The following PPP2R2C variants were observed in gnomAD, a reference collection of about 807,000 sequenced individuals.
PPP2R2C encodes the protein protein phosphatase 2 regulatory subunit Bgamma.
Under a neutral mutation model 45.3 loss-of-function variants are expected in PPP2R2C, and 10 were observed. The observed-to-expected ratio is 0.22, with a 90% CI of 0.14 to 0.37. The LOEUF (loss-of-function observed/expected upper bound fraction) is 0.37, where lower values mean the gene tolerates loss of function less well. PPP2R2C is among the 10% of genes least tolerant of loss of function. The pLI, the probability that PPP2R2C is intolerant of heterozygous loss-of-function variation, is 1.00. For synonymous variants in PPP2R2C, 257 were observed against 245.4 expected, an observed-to-expected ratio of 1.05 and a Z score of -0.44; for missense variants, 308 against 619.7, an observed-to-expected ratio of 0.50 and a Z score of 5.34.
At chr4:6,394,796 C>T (rs979486469) in intron 1 of PPP2R2C, among the ~76,000 whole-genome samples, 15 of 152,350 alleles carry the variant, frequency 9.8e-5, no homozygotes, top group Middle Eastern at 3.4e-3. Context: ...AGACCCCAGC[C>T]GGCAGGCGGG....
chr4:6,509,626 C>A (rs1330029938), intron 2 of PPP2R2C, among the ~76,000 whole-genome samples: 2 of 152,214 alleles, frequency 1.3e-5, no homozygotes, highest in Non-Finnish European at 2.9e-5. Flanking sequence ...TCCAACGAAG[C>A]CACCCTTTCA....
chr4:6,441,683 C>T (rs2108734001), intron 1 of PPP2R2C, among the ~76,000 whole-genome samples: 1 of 152,292 alleles, frequency 6.6e-6, no homozygotes, highest in African/African-American at 2.4e-5. Flanking sequence ...TCATGACTGC[C>T]CCAGTGAGGG....
At chr4:6,388,215 A>G (rs7657197) in intron 1 of PPP2R2C, among the ~76,000 whole-genome samples, 30,166 of 152,124 alleles carry the variant, frequency 0.2, 3,223 homozygotes, top group Middle Eastern at 0.28. Flanking sequence ...GGAGCCACTG[A>G]ACAAGGAGGC....
intron 1 of PPP2R2C, among the ~76,000 whole-genome samples, chr4:6,454,739 C>G (rs1305597722): frequency 2.6e-5 from 4 of 152,194 alleles, no homozygotes; most frequent in African/African-American, 4.8e-5. Context: ...GTGGCACTCA[C>G]TGTGTGGCCT....
chr4:6,472,208 G>T lies in PPP2R2C; in HGVS notation c.22C>A (p.Arg8=). The stretch of plus-strand genomic sequence containing the variant: ...CGCAGGAAGCTGTGGTTAATTTTCC[G>T]CGTGTCCGTGTCCTCGCCCATTGAA... MGEDTDT[R]KINHSFLRDH... Residue 8 remains arginine, a synonymous_variant, in exon 1 of 9, where the codon CGG becomes AGG. Coordinates refer to ENST00000382599, the MANE Select transcript of PPP2R2C (RefSeq NM_020416.4). 4.3e-6 allele frequency: 7 copies of T among 1,613,268 alleles called. No homozygotes were observed. Among genetic ancestry groups the T allele is most frequent in the Non-Finnish European group, 5.1e-6 (6 of 1,179,416 alleles).
rs1431193495 is a variant in PPP2R2C, at chr4:6,480,720, C to G, written c.49+54551G>C. Among the ~76,000 whole-genome samples the G allele has an allele frequency of 2.0e-5, 3 of 152,288 alleles. No homozygotes were observed. In the East Asian group the frequency reaches 5.8e-4, roughly 29 times the overall value. ...CTGAGTCATACTGGTGACATTCCTTCTGGGTCATGCATACTGGAATATATA... is the reference window on the plus strand; with the variant it reads ...CTGAGTCATACTGGTGACATTCCTTGTGGGTCATGCATACTGGAATATATA... On this transcript the variant is annotated intron_variant, in intron 2 of 9. Coordinates refer to the PPP2R2C transcript ENST00000506140.
At chr4:6,535,041 G>C (rs768206470) in intron 2 of PPP2R2C, among the ~76,000 whole-genome samples, 7 of 152,208 alleles carry the variant, frequency 4.6e-5, no homozygotes, top group African/African-American at 1.7e-4. Flanking sequence ...CTCACCCATC[G>C]GCCTGGGAGA....
intron 2 of PPP2R2C, among the ~76,000 whole-genome samples, chr4:6,483,197 CTT>C (rs2108780089): frequency 6.6e-6 from 1 of 152,148 alleles, no homozygotes; most frequent in South Asian, 2.1e-4. Flanking sequence ...TTGCTAATAT[CTT>C]TGAGTTTTGC....
chr4:6,513,480 A>G (rs1723735936), intron 2 of PPP2R2C, among the ~76,000 whole-genome samples: 1 of 152,142 alleles, frequency 6.6e-6, no homozygotes, highest in South Asian at 2.1e-4. Flanking sequence ...AGCCACAGAA[A>G]GGCTTCCCAG....
intron 2 of PPP2R2C, among the ~76,000 whole-genome samples, chr4:6,525,766 C>T (rs376671703): frequency 2.0e-5 from 3 of 152,088 alleles, no homozygotes; most frequent in South Asian, 4.1e-4. Context: ...TACAGTGGCA[C>T]GATCTCCACT....
intron 1 of PPP2R2C, chr4:6,382,321 C>T (rs949774435): frequency 1.9e-5 from 25 of 1,289,950 alleles, no homozygotes; most frequent in Non-Finnish European, 2.5e-5. Context: ...TCTGTGATAC[C>T]ACCTTTAGCA....
intron 1 of PPP2R2C, among the ~76,000 whole-genome samples, chr4:6,542,164 G>C (rs546686532): frequency 6.6e-6 from 1 of 152,198 alleles, no homozygotes; most frequent in Non-Finnish European, 1.5e-5. Flanking sequence ...GAAGCCCAGA[G>C]AGGTGCTGTG....
chr4:6,375,767 C>A, intron 4 of PPP2R2C, 52 bp downstream of exon 4: 1 of 1,409,346 alleles, frequency 7.1e-7, no homozygotes, highest in African/African-American at 1.4e-5. Context: ...GCCCTAAAAT[C>A]CTCAGGTGTA....
chr4:6,527,274 C>T (rs1343987470), intron 2 of PPP2R2C, among the ~76,000 whole-genome samples: 4 of 152,152 alleles, frequency 2.6e-5, no homozygotes, highest in African/African-American at 9.7e-5. Flanking sequence ...CCTCGGTTTA[C>T]CCCGCTAGAA....
intron 1 of PPP2R2C, among the ~76,000 whole-genome samples, chr4:6,394,455 T>C (rs1716879663): frequency 2.0e-5 from 3 of 152,202 alleles, no homozygotes; most frequent in Admixed American, 2.0e-4. Context: ...GATTAATCAA[T>C]GACAGAGAGA....
chr4:6,554,964 AAAGAGAAAG>A lies in PPP2R2C; in HGVS notation c.-59+8587_-59+8595del, dbSNP rs1255842467. Among the ~76,000 whole-genome samples the A allele has an allele frequency of 1.9e-3, 271 of 142,742 alleles. 1 individual carries two copies. The highest frequency in any genetic ancestry group is 4.0e-3 in the African/African-American group (155 of 39,198). 93.6% of individuals were successfully genotyped at this position (142,742 alleles called of 152,430 possible). Reference sequence around the variant, plus strand: ...GAAAGAAAGAAAGAAAGAAAGAAAGAAAGAGAAAGAAAGAAAAGAGAAGAGAAGAGAAGA... The same window carrying A: ...GAAAGAAAGAAAGAAAGAAAGAAAGAAAAGAAAAGAGAAGAGAAGAGAAGA... On this transcript the variant is annotated intron_variant, in intron 1 of 9. Transcript: ENST00000506140.
intron 2 of PPP2R2C, among the ~76,000 whole-genome samples, chr4:6,493,176 T>C (rs1722760983): frequency 6.6e-6 from 1 of 152,056 alleles, no homozygotes; most frequent in Non-Finnish European, 1.5e-5. Context: ...AGGTTCCCCC[T>C]ACCTGCAATT....
chr4:6,511,531 GTGGTGGTGGTGGTGA>G (rs1723491445), intron 2 of PPP2R2C, among the ~76,000 whole-genome samples: 1 of 35,280 alleles, frequency 2.8e-5, no homozygotes, highest in African/African-American at 1.0e-4. Flanking sequence ...GGTGATGGTG[GTGGTGGTGGTGGTGA>G]TGGTGGTGGT....
intron 2 of PPP2R2C, among the ~76,000 whole-genome samples, chr4:6,532,619 C>T (rs765929368): frequency 6.6e-6 from 1 of 152,186 alleles, no homozygotes; most frequent in African/African-American, 2.4e-5. Flanking sequence ...AGACACTTCC[C>T]AGAAGCATTA....
Sources: allele counts gnomAD v4.1 joint callset (sites outside exome capture counted in the v4.1 genomes callset), GRCh38; gene constraint gnomAD v4.1.1; transcripts MANE v1.5; gene names NCBI Gene and HGNC (gene_info 2026-07-23, HGNC 2026-07-21).